Variants in RGS17 observed in about 807,000 individuals in gnomAD.
RGS17 encodes the protein regulator of G protein signaling 17.
RGS17 carries 12 observed loss-of-function variants against 25.5 expected under a neutral mutation model. The observed-to-expected ratio is 0.47, with a 90% confidence interval of 0.30 to 0.76. The LOEUF is 0.76. RGS17 is among the 30% of genes least tolerant of loss of function. The pLI, the probability that RGS17 is intolerant of heterozygous loss-of-function variation, is 0.07. For synonymous variants in RGS17, 71 were observed against 76.9 expected, an observed-to-expected ratio of 0.92 and a Z score of 0.40; for missense variants, 196 against 242.2, an observed-to-expected ratio of 0.81 and a Z score of 1.27.
chr6:153,024,580 A>C, intron 3 of RGS17, 84 bp from the exon 4 acceptor site: 1 of 993,788 alleles, frequency 1.0e-6, no homozygotes, highest in Non-Finnish European at 1.5e-6. Context: ...AGCAGATAGA[A>C]ATTCTATCAA....
intron 1 of RGS17, among the ~76,000 whole-genome samples, chr6:153,053,994 A>ATATACATATATACGTATATATGTATATAT (rs1776506691): frequency 1.8e-5 from 1 of 55,520 alleles, no homozygotes; most frequent in Non-Finnish European, 2.9e-5. Context: ...TGTATATAAT[A>ATATACATATATACGTATATATGTATATAT]TATATACATA....
At chr6:153,077,442 T>C (rs925341152) in intron 1 of RGS17, among the ~76,000 whole-genome samples, 71 of 152,320 alleles carry the variant, frequency 4.7e-4, no homozygotes, top group African/African-American at 1.6e-3. Flanking sequence ...GCTGTGATAA[T>C]GGTACTGTGA....
intron 1 of RGS17, among the ~76,000 whole-genome samples, chr6:153,122,113 C>T (rs1777641037): frequency 6.6e-6 from 1 of 152,076 alleles, no homozygotes. Flanking sequence ...CTGAGCCCAG[C>T]CTTCCTGCTT....
At position 153,097,296 on chromosome 6, in the gene RGS17, T is replaced by A. The variant is rs1247136997; in HGVS notation, c.-26+33828A>T. Among the ~76,000 whole-genome samples the A allele has an allele frequency of 1.9e-4, 9 of 47,218 alleles. 1 individual carries two copies. Among genetic ancestry groups the A allele is most frequent in the East Asian group, 6.2e-3 (1 of 162 alleles). The allele number at this position is 47,218 out of a possible 152,430, so 31.0% of individuals were successfully genotyped here. ...AGACAATAGCGTTTTTTTGATTTTT[T>A]TTTTTTTTTTTTTTTTTTTTTTGGG... On this transcript the variant is annotated intron_variant, in intron 1 of 4. Coordinates refer to ENST00000206262, the MANE Select transcript of RGS17 (RefSeq NM_012419.5).
At chr6:153,104,147 T>C (rs1171713121) in intron 1 of RGS17, among the ~76,000 whole-genome samples, 2 of 152,246 alleles carry the variant, frequency 1.3e-5, no homozygotes, top group Non-Finnish European at 2.9e-5. Flanking sequence ...GGTAGAGACA[T>C]AATTCAAATC....
intron 1 of RGS17, among the ~76,000 whole-genome samples, chr6:153,084,851 A>G (rs1027076063): frequency 1.3e-5 from 2 of 152,248 alleles, no homozygotes; most frequent in African/African-American, 4.8e-5. Flanking sequence ...AGGAAATTCC[A>G]AATAGTGAAA....
intron 1 of RGS17, among the ~76,000 whole-genome samples, chr6:153,100,735 A>G (rs1419353697): frequency 6.6e-6 from 1 of 152,182 alleles, no homozygotes; most frequent in Non-Finnish European, 1.5e-5. Context: ...AGCCCCTTAA[A>G]TATTTTAAAT....
At chr6:153,106,695 T>G (rs1777389930) in intron 1 of RGS17, among the ~76,000 whole-genome samples, 1 of 151,944 alleles carries the variant, frequency 6.6e-6, no homozygotes, top group African/African-American at 2.4e-5. Flanking sequence ...CAAGCTGGAG[T>G]GCAATGGTGC....
chr6:153,113,612 A>G (rs944592265), intron 1 of RGS17, among the ~76,000 whole-genome samples: 1 of 152,192 alleles, frequency 6.6e-6, no homozygotes, highest in Non-Finnish European at 1.5e-5. Context: ...TCCACCCCAA[A>G]TCAACAGAAT....
At chr6:153,026,681 T>C (rs547125747) in intron 2 of RGS17, 138 bp from the exon 3 acceptor site, 1 of 540,584 alleles carries the variant, frequency 1.8e-6, no homozygotes, top group South Asian at 3.5e-5. Flanking sequence ...AAAAGAGCAA[T>C]ACCATTTTTA....
intron 2 of RGS17, among the ~76,000 whole-genome samples, chr6:153,039,598 G>C (rs904782831): frequency 1.3e-5 from 2 of 152,144 alleles, no homozygotes; most frequent in Non-Finnish European, 2.9e-5. Context: ...TATTAAAAGA[G>C]GAATTAGTAC....
chr6:153,046,677 A>T (rs1450648909), intron 1 of RGS17, among the ~76,000 whole-genome samples: 1 of 152,094 alleles, frequency 6.6e-6, no homozygotes, highest in African/African-American at 2.4e-5. Flanking sequence ...CTCAGAATTC[A>T]GCAAAGAGTG....
intron 1 of RGS17, among the ~76,000 whole-genome samples, chr6:153,054,307 T>C (rs1776522027): frequency 6.6e-6 from 1 of 151,002 alleles, no homozygotes; most frequent in Admixed American, 6.7e-5. Flanking sequence ...TCTCTGAGAT[T>C]GTTGTGGTTT....
intron 1 of RGS17, among the ~76,000 whole-genome samples, chr6:153,098,352 G>A (rs576989832): frequency 3.0e-4 from 45 of 152,136 alleles, no homozygotes; most frequent in Non-Finnish European, 5.4e-4. Context: ...AGGAACCACT[G>A]CTTTTAGATT....
intron 1 of RGS17, among the ~76,000 whole-genome samples, chr6:153,094,998 A>C (rs7756810): frequency 0.45 from 68,663 of 151,914 alleles, 16,160 homozygotes; most frequent in East Asian, 0.84. Context: ...TGTCTCCAAA[A>C]ACAAAAATAT....
At chr6:153,071,523 A>G (rs1320845818) in intron 1 of RGS17, among the ~76,000 whole-genome samples, 1 of 152,088 alleles carries the variant, frequency 6.6e-6, no homozygotes, top group African/African-American at 2.4e-5. Context: ...CTTTTGTCAA[A>G]TACAATAAAA....
chr6:153,086,783 T>G (rs1162708812), intron 1 of RGS17, among the ~76,000 whole-genome samples: 3 of 152,178 alleles, frequency 2.0e-5, no homozygotes, highest in Non-Finnish European at 4.4e-5. Context: ...ACCCAGGAGT[T>G]TATCATGCAA....
At position 153,024,648 on chromosome 6, in the gene RGS17, A is replaced by C. The variant is rs1779281056; in HGVS notation, c.210-152T>G. Reference sequence around the variant, plus strand: ...CTCAGTCCAGCCTGATGTGCCAAATAAGTATCTGTCAGGACTACGTCAGTT... The same window carrying C: ...CTCAGTCCAGCCTGATGTGCCAAATCAGTATCTGTCAGGACTACGTCAGTT... On this transcript the variant is annotated intron_variant, in intron 3 of 4. Transcript: ENST00000206262. 2.4e-5 allele frequency: 15 copies of C among 632,870 alleles called. No individual in the cohort carries two copies. In the East Asian group the frequency reaches 4.1e-4, roughly 17 times the overall value. 39.2% of individuals were successfully genotyped at this position (632,870 alleles called of 1,614,324 possible). A position where few individuals can be genotyped will look rare whatever the true frequency, so the allele number is the denominator to read the frequency against.
At chr6:153,100,433 A>G (rs759486515) in intron 1 of RGS17, among the ~76,000 whole-genome samples, 1 of 152,172 alleles carries the variant, frequency 6.6e-6, no homozygotes, top group Non-Finnish European at 1.5e-5. Flanking sequence ...TCATACAGCA[A>G]AAGGCTAATT....
Sources: gnomAD v4.1 joint callset for allele counts (sites outside exome capture counted in the v4.1 genomes callset) on GRCh38, gnomAD v4.1.1 for gene constraint, MANE v1.5 for transcripts, NCBI Gene and HGNC (gene_info 2026-07-23, HGNC 2026-07-21) for gene names.